The following CREM variants were observed in gnomAD, a reference collection of about 807,000 sequenced individuals.
The protein encoded by CREM is cAMP-responsive element modulator.
CREM carries 13 observed loss-of-function variants against 37.3 expected under a neutral mutation model. The ratio of observed to expected loss-of-function variants is 0.35; its 90% confidence interval spans 0.23 to 0.55. CREM has a LOEUF of 0.55. CREM is among the 20% of genes least tolerant of loss of function. The pLI, the probability that CREM is intolerant of heterozygous loss-of-function variation, is 0.88. For missense variants in CREM, 296 were observed against 362.3 expected, an observed-to-expected ratio of 0.82 and a Z score of 1.49; for synonymous variants, 124 against 120.2, an observed-to-expected ratio of 1.03 and a Z score of -0.21.
chr10:35,148,627 A>G (rs1564816957), intron 3 of CREM, 136 bp downstream of exon 3: 52 of 987,350 alleles, frequency 5.3e-5, no homozygotes, highest in Non-Finnish European at 2.9e-6. Flanking sequence ...TTTGATTGTG[A>G]AGAAAAGATA....
intron 2 of CREM, among the ~76,000 whole-genome samples, chr10:35,141,603 C>T (rs2091442417): frequency 6.6e-6 from 1 of 152,014 alleles, no homozygotes; most frequent in South Asian, 2.1e-4. Context: ...AGTTCTGGAC[C>T]CACTGATTTT....
In CREM at chr10:35,178,905, A is replaced by G. The variant is rs1346804469; in HGVS notation, c.185A>G (p.Glu62Gly). Residue 62 changes from glutamate (E) to glycine (G), a missense_variant, in exon 4 of 8, where the codon GAG becomes GGG. Transcript: ENST00000685392. ...GTATTATAGGTAGCAGCAATTGCAG[A>G]GACAGATGAATCTGCAGAATCAGAA... ...PALAQVAAIA[E>G]TDESAESEGV... 1 of 1,611,646 alleles carries G rather than the reference A, an allele frequency of 6.2e-7. No homozygotes were observed. Among genetic ancestry groups the G allele is most frequent in the Non-Finnish European group, 8.5e-7 (1 of 1,179,184 alleles).
chr10:35,147,078 T>A (rs1293744122), intron 2 of CREM, among the ~76,000 whole-genome samples: 1 of 135,224 alleles, frequency 7.4e-6, no homozygotes, highest in Non-Finnish European at 1.5e-5. Context: ...TAAGACGGAG[T>A]CTCGCTCTGT....
In CREM at chr10:35,136,484, T is replaced by C. The variant is rs553122387; in HGVS notation, c.-54-1298T>C. ...GATGTCAGAATGGCATCAGTTCTGCTTTTTGTTCCTCTTGTGAGGAGCCTG... is the reference window on the plus strand; with the variant it reads ...GATGTCAGAATGGCATCAGTTCTGCCTTTTGTTCCTCTTGTGAGGAGCCTG... On this transcript the variant is annotated intron_variant, in intron 1 of 7. Coordinates refer to ENST00000685392, the MANE Select transcript of CREM (RefSeq NM_183011.2). Among the ~76,000 whole-genome samples, 366 of 152,314 alleles carry C rather than the reference T, an allele frequency of 2.4e-3. 5 individuals are homozygous for C. Among genetic ancestry groups the C allele is most frequent in the Non-Finnish European group, 7.1e-4 (48 of 68,022 alleles).
intron 7 of CREM, among the ~76,000 whole-genome samples, chr10:35,207,368 T>TG: frequency 6.6e-6 from 1 of 151,978 alleles, no homozygotes; most frequent in Non-Finnish European, 1.5e-5. Context: ...CACTCCAGCC[T>TG]GGGCGACAGA....
At chr10:35,150,131 A>G (rs1048382896) in intron 3 of CREM, among the ~76,000 whole-genome samples, 3 of 152,032 alleles carry the variant, frequency 2.0e-5, no homozygotes, top group African/African-American at 7.2e-5. Context: ...ATTTTCCAGA[A>G]TCTTTAGAGC....
intron 3 of CREM, among the ~76,000 whole-genome samples, chr10:35,149,889 A>AACACACACACACAC (rs55971717): frequency 0.078 from 8,729 of 111,616 alleles, 560 homozygotes; most frequent in Non-Finnish European, 0.09. Context: ...CTTTTGCTTA[A>AACACACACACACAC]ACACACACAC....
chr10:35,203,735 T>G (rs1330594150), intron 6 of CREM, among the ~76,000 whole-genome samples: 1 of 151,250 alleles, frequency 6.6e-6, no homozygotes, highest in Non-Finnish European at 1.5e-5. Flanking sequence ...TTGTTTTTTG[T>G]TTTTTTTTAA....
chr10:35,147,227 G>A (rs1174505374), intron 2 of CREM, among the ~76,000 whole-genome samples: 3 of 151,152 alleles, frequency 2.0e-5, no homozygotes, highest in Non-Finnish European at 3.0e-5. Flanking sequence ...CTAATTTTTC[G>A]TATTTTTAGT....
At chr10:35,186,656 CAT>C (rs1475405464) in intron 5 of CREM, among the ~76,000 whole-genome samples, 50 of 140,222 alleles carry the variant, frequency 3.6e-4, no homozygotes, top group South Asian at 8.7e-4. Context: ...TTATATATAA[CAT>C]ATGACATATA....
chr10:35,130,547 T>C (rs1367153384), intron 1 of CREM, among the ~76,000 whole-genome samples: 3 of 152,218 alleles, frequency 2.0e-5, no homozygotes, highest in South Asian at 2.1e-4. Context: ...GGACCACATA[T>C]ATCCCATAAG....
intron 3 of CREM, among the ~76,000 whole-genome samples, chr10:35,156,830 A>C (rs2092946339): frequency 6.6e-6 from 1 of 152,348 alleles, no homozygotes; most frequent in African/African-American, 2.4e-5. Context: ...AAACAGACAT[A>C]GTTCAGGAAA....
At chr10:35,148,333 G>A (rs1421895607) in intron 2 of CREM, 35 bp from the exon 3 acceptor site, 2 of 1,592,746 alleles carry the variant, frequency 1.3e-6, no homozygotes, top group Admixed American at 3.6e-5. Flanking sequence ...TTAAGATAGG[G>A]CCTTAATTTG....
intron 3 of CREM, among the ~76,000 whole-genome samples, chr10:35,151,369 T>C (rs1452386814): frequency 1.3e-5 from 2 of 152,230 alleles, no homozygotes; most frequent in Non-Finnish European, 2.9e-5. Context: ...TGTTTCGTTT[T>C]GTTTTTTTGA....
chr10:35,162,480 A>G (rs936288399), intron 3 of CREM, among the ~76,000 whole-genome samples: 22 of 152,232 alleles, frequency 1.4e-4, no homozygotes, highest in South Asian at 2.1e-4. Flanking sequence ...AGATTTAACT[A>G]TTACATAATG....
chr10:35,143,046 CT>C (rs1270406038), intron 2 of CREM, among the ~76,000 whole-genome samples: 1 of 152,220 alleles, frequency 6.6e-6, no homozygotes, highest in African/African-American at 2.4e-5. Context: ...TCTTGGCTTA[CT>C]GCAACCTCCA....
At chr10:35,169,558 C>T (rs1463523718) in intron 3 of CREM, among the ~76,000 whole-genome samples, 1 of 152,190 alleles carries the variant, frequency 6.6e-6, no homozygotes, top group African/African-American at 2.4e-5. Flanking sequence ...AATATGACTT[C>T]CTCTTTTCCT....
intron 3 of CREM, among the ~76,000 whole-genome samples, chr10:35,153,824 C>T (rs1467735876): frequency 3.9e-5 from 6 of 152,232 alleles, no homozygotes; most frequent in Non-Finnish European, 8.8e-5. Context: ...GGTCAGCAAA[C>T]TGCCTCGAGA....
chr10:35,203,782 TA>T (rs1225974664), intron 6 of CREM, among the ~76,000 whole-genome samples: 7 of 152,116 alleles, frequency 4.6e-5, no homozygotes, highest in Admixed American at 1.3e-4. Context: ...CATCCTGCTC[TA>T]ACTTCATATT....
Sources: gnomAD v4.1 joint callset for allele counts (sites outside exome capture counted in the v4.1 genomes callset) on GRCh38, gnomAD v4.1.1 for gene constraint, MANE v1.5 for transcripts, NCBI Gene and HGNC (gene_info 2026-07-23, HGNC 2026-07-21) for gene names.